SCAF8: variants seen among roughly 807,000 people sequenced by gnomAD.
SCAF8 encodes the protein SR-related and CTD-associated factor 8.
A neutral mutation model predicts 140.5 loss-of-function variants in SCAF8; 23 were observed. The ratio of observed to expected loss-of-function variants is 0.16; its 90% CI spans 0.12 to 0.23. The LOEUF (loss-of-function observed/expected upper bound fraction) is 0.23. Among genes scored for constraint, SCAF8 ranks in the 10% least tolerant of loss-of-function variants. The probability of loss-of-function intolerance (pLI) is 1.00; values close to 1 mark genes in which losing one functional copy is unlikely to be tolerated. For synonymous variants in SCAF8, 575 were observed against 528.9 expected (o/e 1.09, Z -1.20); for missense variants, 1,397 against 1,555.7 (o/e 0.90, Z 1.72).
intron 2 of SCAF8, among the ~76,000 whole-genome samples, chr6:154,776,540 CAAAG>C (rs1443092242): frequency 6.6e-6 from 1 of 152,108 alleles, no homozygotes; most frequent in Non-Finnish European, 1.5e-5. Context: ...AGTAACAAAA[CAAAG>C]AACACTGTCA....
chr6:154,796,389 C>CTCTCTCTCTCTCTCTCTCTG (rs376622207), intron 6 of SCAF8, among the ~76,000 whole-genome samples: 46 of 141,044 alleles, frequency 3.3e-4, no homozygotes, highest in African/African-American at 9.3e-4. Context: ...CTCTCTCTCT[C>CTCTCTCTCTCTCTCTCTCTG]TCTGTCTCTC....
Position 154,832,202 on chromosome 6 carries a change from A to C in SCAF8, c.2623A>C (p.Asn875His). ...TGGACTTTTGGGAGTGCTACCCCCA[A>C]ATATACCTAACAATTCTGGACTTGT... ...SSGLLGVLPPNIPNNSGLVGV... is the reference protein window; with the variant it reads ...SSGLLGVLPPHIPNNSGLVGV... The change falls in exon 20 of 20, where the codon AAT (asparagine) becomes CAT (histidine). Residue 875 changes from asparagine (N) to histidine (H), a missense_variant. Coordinates refer to ENST00000367178, the MANE Select transcript of SCAF8 (RefSeq NM_014892.5). 1.2e-6 allele frequency: 2 copies of C among 1,614,118 alleles called. No individual in the cohort carries two copies. The highest frequency in any genetic ancestry group is 1.7e-6 in the Non-Finnish European group (2 of 1,180,000).
At chr6:154,753,914 C>T (rs1048076072) in intron 1 of SCAF8, among the ~76,000 whole-genome samples, 2 of 152,076 alleles carry the variant, frequency 1.3e-5, no homozygotes, top group Non-Finnish European at 2.9e-5. Context: ...CATAGCTCAC[C>T]GTAGCCTTGA....
At chr6:154,795,177 A>T in intron 6 of SCAF8, 38 bp downstream of exon 6, 1 of 1,556,004 alleles carries the variant, frequency 6.4e-7, no homozygotes, top group African/African-American at 1.4e-5. Context: ...ATAATTTAGA[A>T]TTTAATATTT....
At position 154,832,577 on chromosome 6, in the gene SCAF8, A is replaced by T; in HGVS notation, c.2998A>T (p.Arg1000Trp). The T allele has an allele frequency of 6.2e-7, 1 of 1,614,136 alleles. No individual in the cohort carries two copies. The highest frequency in any genetic ancestry group is 8.5e-7 in the Non-Finnish European group (1 of 1,179,994). Residue 1000 changes from arginine to tryptophan, a missense_variant, in exon 20 of 20, where the codon AGG (arginine) becomes TGG (tryptophan). By Grantham distance (101) the Arg-to-Trp change is moderately radical. Coordinates refer to ENST00000367178, the MANE Select transcript of SCAF8 (RefSeq NM_014892.5). ...SVDNVTNPEK[R>W]IPLGNDNIQQ... ...AGACAATGTTACTAACCCAGAAAAA[A>T]GGATACCACTTGGGAATGATAACAT...
At chr6:154,829,289 A>G (rs1778659433) in intron 18 of SCAF8, among the ~76,000 whole-genome samples, 3 of 145,574 alleles carry the variant, frequency 2.1e-5, no homozygotes, top group African/African-American at 7.6e-5. Flanking sequence ...CTTGGTTTTG[A>G]TATCTGTATT....
intron 4 of SCAF8, among the ~76,000 whole-genome samples, chr6:154,789,862 A>G (rs1777363563): frequency 6.6e-6 from 1 of 152,176 alleles, no homozygotes; most frequent in Admixed American, 6.5e-5. Flanking sequence ...CTTCTTTTAA[A>G]TGACCTGTCA....
chr6:154,786,080 C>T (rs943529923), intron 3 of SCAF8, among the ~76,000 whole-genome samples: 3 of 152,144 alleles, frequency 2.0e-5, no homozygotes, highest in African/African-American at 4.8e-5. Context: ...GAGTAATTCA[C>T]GCAAAGCCGG....
intron 1 of SCAF8, among the ~76,000 whole-genome samples, chr6:154,736,923 G>A (rs1778437352): frequency 6.6e-6 from 1 of 152,076 alleles, no homozygotes; most frequent in Non-Finnish European, 1.5e-5. Flanking sequence ...ACAGAGTCAG[G>A]GAGTTGAGGA....
chr6:154,805,349 C>T lies in SCAF8; in HGVS notation c.864-20C>T. 6 of 1,395,660 alleles carry T rather than the reference C, an allele frequency of 4.3e-6. No homozygotes were observed. The highest frequency in any genetic ancestry group is 6.1e-6 in the Non-Finnish European group (6 of 986,680). 86.5% of individuals were successfully genotyped at this position (1,395,660 alleles called of 1,614,324 possible). On this transcript the variant is annotated intron_variant, in intron 8 of 19. Transcript: ENST00000367178. ...CTTTAGTGGGTTTTAAAATATGTTT[C>T]CACCTGTTTTTCCTTTTAGTTCTCA... is the stretch of plus-strand genomic sequence containing the variant.
At chr6:154,770,799 C>T (rs910234210) in intron 1 of SCAF8, among the ~76,000 whole-genome samples, 1 of 152,196 alleles carries the variant, frequency 6.6e-6, no homozygotes, top group East Asian at 1.9e-4. Context: ...TGCTGGAGTG[C>T]GGTGGCGTAA....
chr6:154,823,666 T>C (rs1778484448), intron 16 of SCAF8, among the ~76,000 whole-genome samples: 1 of 152,198 alleles, frequency 6.6e-6, no homozygotes, highest in African/African-American at 2.4e-5. Context: ...GAAGGACGAC[T>C]GGAAAATCAG....
At position 154,733,740 on chromosome 6, in the gene SCAF8, C is replaced by T. The variant is rs1778326489; in HGVS notation, c.-161C>T. The T allele has an allele frequency of 7.5e-6, 10 of 1,330,162 alleles. No homozygotes were observed. The highest frequency in any genetic ancestry group is 4.2e-5 in the Admixed American group (1 of 23,926). The allele number at this position is 1,330,162 out of a possible 1,614,324, so 82.4% of individuals were successfully genotyped here. On this transcript the variant is annotated 5_prime_UTR_variant, in exon 1 of 20. Coordinates refer to ENST00000367178, the MANE Select transcript of SCAF8 (RefSeq NM_014892.5). ...TGCCGCTGAGGGAGCCCTTCCCCGC[C>T]AGCGCGTGCCCTTCCACTCCGCCCC...
At chr6:154,754,572 A>G (rs1021928620) in intron 1 of SCAF8, among the ~76,000 whole-genome samples, 2 of 152,228 alleles carry the variant, frequency 1.3e-5, no homozygotes, top group African/African-American at 4.8e-5. Context: ...GCCATTCTGA[A>G]AGCAAAAACA....
At chr6:154,751,803 A>G (rs535303075) in intron 1 of SCAF8, among the ~76,000 whole-genome samples, 1 of 152,292 alleles carries the variant, frequency 6.6e-6, no homozygotes, top group East Asian at 1.9e-4. Context: ...TTAATATTTC[A>G]TGTTAACTCT....
Position 154,833,216 on chromosome 6 carries a change from C to G in SCAF8, c.3637C>G (p.Gln1213Glu), listed in dbSNP as rs779188991. 6.2e-7 allele frequency: 1 copy of G among 1,614,040 alleles called. No individual in the cohort carries two copies. Among genetic ancestry groups the G allele is most frequent in the Non-Finnish European group, 8.5e-7 (1 of 1,179,990 alleles). ...TCAACGAAAAGGTGATAATGTGCCT[C>G]AGGTTAATGGTGAAAATACAGAGAG... ...TSQRKGDNVP[Q>E]VNGENTERHA... is the part of the protein sequence containing the mutation. The change falls in exon 20 of 20, where the codon CAG (glutamine) becomes GAG (glutamate). Residue 1213 changes from glutamine (Q) to glutamate (E), a missense_variant. Gln to Glu is a conservative substitution (Grantham distance 29). This residue lies in a region of SCAF8 where 930 missense variants were observed against 874.6 expected (regional missense o/e 1.06). Coordinates refer to ENST00000367178, the MANE Select transcript of SCAF8 (RefSeq NM_014892.5).
chr6:154,812,289 C>A lies in SCAF8; in HGVS notation c.1420+2081C>A, dbSNP rs1410542776. Among the ~76,000 whole-genome samples, 20 of 85,404 alleles carry A rather than the reference C, an allele frequency of 2.3e-4. No homozygotes were observed. The East Asian group carries it at 4.4e-3, about 19-fold the overall frequency. 56.0% of individuals were successfully genotyped at this position (85,404 alleles called of 152,430 possible). A position where few individuals can be genotyped will look rare whatever the true frequency, so the allele number is the denominator to read the frequency against. Reference sequence around the variant, plus strand: ...GCAGGTGCCTACTTTGTCTCTATGTCAGCTTTTTTTTTTTTTTTTTTTTTG... The same window carrying A: ...GCAGGTGCCTACTTTGTCTCTATGTAAGCTTTTTTTTTTTTTTTTTTTTTG... On this transcript the variant is annotated intron_variant, in intron 12 of 19. Transcript: ENST00000367178.
At position 154,827,200 on chromosome 6, in the gene SCAF8, T is replaced by C; in HGVS notation, c.2100T>C (p.Pro700=). The change falls in exon 18 of 20, where the codon CCT becomes CCC. Residue 700 remains proline (P), a synonymous_variant. Transcript: ENST00000367178. The stretch of plus-strand genomic sequence containing the variant: ...TCATGCCGCCTCCAGTTCCCCCACC[T>C]GTTGTGCCACCCCCTACGATTCCAC... The part of the protein sequence containing the change: ...PGFMPPPVPP[P]VVPPPTIPPV... The C allele has an allele frequency of 6.2e-7, 1 of 1,605,890 alleles. No individual in the cohort carries two copies. The highest frequency in any genetic ancestry group is 1.1e-5 in the South Asian group (1 of 89,330).
Position 154,800,253 on chromosome 6 carries a change from A to G in SCAF8, c.607-1718A>G, listed in dbSNP as rs543624234. Among the ~76,000 whole-genome samples the G allele has an allele frequency of 3.3e-5, 5 of 151,522 alleles. No individual in the cohort carries two copies. The East Asian group carries it at 9.7e-4, about 29-fold the overall frequency. On this transcript the variant is annotated intron_variant, in intron 6 of 19. Transcript: ENST00000367178. The stretch of plus-strand genomic sequence containing the variant: ...ACTGGAATGTATGCTAAACTAGGGC[A>G]AGAATTTTTTGTGGTTGTTGACAGC...
Sources: allele counts gnomAD v4.1 joint callset (sites outside exome capture counted in the v4.1 genomes callset), GRCh38; gene constraint gnomAD v4.1.1; regional missense constraint gnomAD v4.1.1; transcripts MANE v1.5; gene names NCBI Gene and HGNC (gene_info 2026-07-23, HGNC 2026-07-21).